PCDH15: variants seen among roughly 807,000 people sequenced by gnomAD.
PCDH15 encodes the protein protocadherin-15.
In PCDH15, 129 loss-of-function variants were observed where a neutral mutation model predicts 178.5. The observed-to-expected ratio is 0.72, with a 90% CI of 0.63 to 0.84. PCDH15 has a LOEUF of 0.84. Ranked by LOEUF, PCDH15 falls within the 40% of genes least tolerant of loss-of-function variation. The pLI, the probability that PCDH15 is intolerant of heterozygous loss-of-function variation, is 0.00. For missense variants in PCDH15, 2,230 were observed against 2,099.9 expected (o/e 1.06, Z -1.21); for synonymous variants, 800 against 732.0 (o/e 1.09, Z -1.50).
intron 29 of PCDH15, among the ~76,000 whole-genome samples, chr10:53,838,142 A>AT (rs990181431): frequency 1.3e-5 from 2 of 151,404 alleles, no homozygotes; most frequent in African/African-American, 2.4e-5. Flanking sequence ...TGCCCGGCTA[A>AT]TTTTTTGTAT....
intron 18 of PCDH15, among the ~76,000 whole-genome samples, chr10:54,050,193 G>A (rs185983870): frequency 9.5e-4 from 144 of 152,154 alleles, no homozygotes; most frequent in African/African-American, 3.3e-3. Context: ...CCTTTCAAGG[G>A]CATTTTTTGA....
chr10:55,172,945 T>C (rs185300744), intron 1 of PCDH15, among the ~76,000 whole-genome samples: 53 of 152,104 alleles, frequency 3.5e-4, no homozygotes, highest in African/African-American at 1.1e-3. Flanking sequence ...TGCAAAGGTC[T>C]ACAAAAAAGG....
chr10:55,310,750 C>A (rs1459706614), intron 1 of PCDH15, among the ~76,000 whole-genome samples: 2 of 152,158 alleles, frequency 1.3e-5, no homozygotes, highest in African/African-American at 4.8e-5. Context: ...TGGAAGCCAT[C>A]ATCCACAGCA....
chr10:54,991,556 T>C (rs892630300), intron 2 of PCDH15, among the ~76,000 whole-genome samples: 1 of 152,166 alleles, frequency 6.6e-6, no homozygotes, highest in Non-Finnish European at 1.5e-5. Context: ...TAAAACATGG[T>C]TGATCAGAAG....
intron 2 of PCDH15, among the ~76,000 whole-genome samples, chr10:55,604,602 C>T (rs1352031694): frequency 5.5e-5 from 8 of 146,598 alleles, no homozygotes; most frequent in African/African-American, 1.5e-4. Context: ...CACTCAAAAC[C>T]GCTCAACTAC....
intron 2 of PCDH15, among the ~76,000 whole-genome samples, chr10:54,951,915 A>T (rs1591802861): frequency 6.6e-6 from 1 of 151,786 alleles, no homozygotes; most frequent in South Asian, 2.1e-4. Flanking sequence ...TGTTTCCCTT[A>T]ATAATTATTT....
At chr10:54,479,230 T>C (rs567569550) in intron 3 of PCDH15, among the ~76,000 whole-genome samples, 1 of 152,068 alleles carries the variant, frequency 6.6e-6, no homozygotes, top group South Asian at 2.1e-4. Flanking sequence ...TTAGTGAATT[T>C]ACTAGTTTGA....
intron 2 of PCDH15, among the ~76,000 whole-genome samples, chr10:55,034,737 T>C (rs1489789839): frequency 1.3e-5 from 2 of 152,174 alleles, no homozygotes; most frequent in Non-Finnish European, 2.9e-5. Context: ...TTCTAAAAAA[T>C]ACAATTATGT....
At chr10:53,999,056 A>C (rs1319174265) in intron 20 of PCDH15, among the ~76,000 whole-genome samples, 4 of 148,846 alleles carry the variant, frequency 2.7e-5, no homozygotes, top group Non-Finnish European at 4.5e-5. Context: ...CAGTCTCAAA[A>C]AAAAAAAAAA....
At chr10:54,293,431 C>T (rs2059551900) in intron 8 of PCDH15, among the ~76,000 whole-genome samples, 1 of 152,006 alleles carries the variant, frequency 6.6e-6, no homozygotes, top group African/African-American at 2.4e-5. Flanking sequence ...ACTAAGACAC[C>T]AAAAGCAATG....
chr10:55,284,825 T>G (rs1050516018), intron 1 of PCDH15, among the ~76,000 whole-genome samples: 2 of 152,026 alleles, frequency 1.3e-5, no homozygotes, highest in African/African-American at 4.8e-5. Flanking sequence ...AAATGAATGC[T>G]AAAATCTTGG....
At chr10:55,278,866 A>C (rs1046406650) in intron 1 of PCDH15, among the ~76,000 whole-genome samples, 1 of 152,220 alleles carries the variant, frequency 6.6e-6, no homozygotes, top group African/African-American at 2.4e-5. Context: ...ACTGAAAAGT[A>C]CCCAGAGTCT....
At chr10:54,695,585 G>A (rs559178166) in intron 1 of PCDH15, among the ~76,000 whole-genome samples, 13 of 152,188 alleles carry the variant, frequency 8.5e-5, no homozygotes, top group South Asian at 6.2e-4. Flanking sequence ...GAAGGATGCC[G>A]TGTAAAACTT....
At chr10:54,072,256 A>G (rs2094258951) in intron 17 of PCDH15, among the ~76,000 whole-genome samples, 1 of 152,194 alleles carries the variant, frequency 6.6e-6, no homozygotes, top group Non-Finnish European at 1.5e-5. Flanking sequence ...CAAGAAAAAT[A>G]CATATTCAAT....
At chr10:53,977,695 T>G (rs1247263393) in intron 21 of PCDH15, among the ~76,000 whole-genome samples, 1 of 152,112 alleles carries the variant, frequency 6.6e-6, no homozygotes, top group Non-Finnish European at 1.5e-5. Flanking sequence ...AACGTCCAAG[T>G]ACAAAATCTC....
At chr10:54,395,309 C>T (rs1284728092) in intron 3 of PCDH15, among the ~76,000 whole-genome samples, 1 of 151,840 alleles carries the variant, frequency 6.6e-6, no homozygotes, top group Non-Finnish European at 1.5e-5. Context: ...GTTCTTCTGC[C>T]ATGGCTTCAG....
chr10:54,313,456 T>C (rs372615883), intron 8 of PCDH15, among the ~76,000 whole-genome samples: 44 of 152,048 alleles, frequency 2.9e-4, no homozygotes, highest in African/African-American at 1.0e-3. Context: ...TTGCCCATAC[T>C]CTCTGAAAAT....
At chr10:55,353,484 A>G (rs1159148013) in intron 2 of PCDH15, among the ~76,000 whole-genome samples, 4 of 152,040 alleles carry the variant, frequency 2.6e-5, no homozygotes, top group African/African-American at 9.7e-5. Flanking sequence ...GAAATTTGAG[A>G]GAAATTTTAC....
At chr10:54,545,248 T>C (rs529104152) in intron 2 of PCDH15, among the ~76,000 whole-genome samples, 1 of 152,328 alleles carries the variant, frequency 6.6e-6, no homozygotes, top group South Asian at 2.1e-4. Context: ...ATAGCTTCAA[T>C]ACTACTTTGT....
Sources: allele counts gnomAD v4.1 joint callset (sites outside exome capture counted in the v4.1 genomes callset), GRCh38; gene constraint gnomAD v4.1.1; transcripts MANE v1.5; gene names NCBI Gene and HGNC (gene_info 2026-07-23, HGNC 2026-07-21).